The following FAM83B variants were observed in gnomAD, a reference collection of about 807,000 sequenced individuals.
The protein encoded by FAM83B is scaffolding CK1 anchoring protein B, also known as protein FAM83B.
FAM83B carries 26 observed loss-of-function variants against 38.8 expected under a neutral mutation model. The observed-to-expected ratio is 0.67, with a 90% CI of 0.49 to 0.93. The LOEUF (loss-of-function observed/expected upper bound fraction) is 0.93, where lower values mean the gene tolerates loss of function less well. Ranked by LOEUF, FAM83B falls within the 40% of genes least tolerant of loss-of-function variation. The probability of loss-of-function intolerance (pLI) is 0.00; values close to 1 mark genes in which losing one functional copy is unlikely to be tolerated. For synonymous variants in FAM83B, 419 were observed against 423.1 expected (o/e 0.99, Z 0.12); for missense variants, 1,237 against 1,197.3 (o/e 1.03, Z -0.49).
In FAM83B at chr6:54,939,757, A is replaced by G. The variant is rs764057168; in HGVS notation, c.786A>G (p.Thr262=). Residue 262 remains threonine, a synonymous_variant, in exon 5 of 5, where the codon ACA becomes ACG. Transcript: ENST00000306858. ...KAHLSMVQII[T]GQLVESFDEE... is the part of the protein sequence containing the mutation. ...ACCTCAGCATGGTTCAGATAATTAC[A>G]GGACAACTTGTTGAGTCCTTTGATG... 1.9e-6 allele frequency: 3 copies of G among 1,613,692 alleles called. No individual in the cohort carries two copies. The highest frequency in any genetic ancestry group is 2.2e-5 in the South Asian group (2 of 91,016).
At chr6:54,889,417 G>A (rs1032263765) in intron 2 of FAM83B, among the ~76,000 whole-genome samples, 4 of 151,972 alleles carry the variant, frequency 2.6e-5, no homozygotes, top group East Asian at 3.9e-4. Flanking sequence ...AGCTACATAC[G>A]ATAAATCCCT....
chr6:54,890,221 G>A (rs1283120243), intron 2 of FAM83B, among the ~76,000 whole-genome samples: 1 of 120,864 alleles, frequency 8.3e-6, no homozygotes, highest in Non-Finnish European at 1.6e-5. Flanking sequence ...AATAAGAAAT[G>A]TTTTATTGAA....
chr6:54,901,970 AT>A (rs1211137913), intron 2 of FAM83B, among the ~76,000 whole-genome samples: 1 of 152,116 alleles, frequency 6.6e-6, no homozygotes, highest in Non-Finnish European at 1.5e-5. Flanking sequence ...CTTTATTTGT[AT>A]TCATAATATG....
Position 54,943,913 on chromosome 6 carries a change from G to A in FAM83B, c.*1906G>A, listed in dbSNP as rs924896133. 1 of 152,198 alleles carries A rather than the reference G, an allele frequency of 6.6e-6. No individual in the cohort carries two copies. The highest frequency in any genetic ancestry group is 1.5e-5 in the Non-Finnish European group (1 of 68,038). The allele number at this position is 152,198 out of a possible 1,614,324, so 9.4% of individuals were successfully genotyped here. Reference sequence around the variant, plus strand: ...AGAAATCTCCTTAATTTCAGGACATGTAGATAGCTTATAGAAACATCCTTT... The same window carrying A: ...AGAAATCTCCTTAATTTCAGGACATATAGATAGCTTATAGAAACATCCTTT... On this transcript the variant is annotated 3_prime_UTR_variant, in exon 5 of 5. Transcript: ENST00000306858.
At chr6:54,866,077 AT>A (rs1771698146) in intron 1 of FAM83B, among the ~76,000 whole-genome samples, 1 of 151,798 alleles carries the variant, frequency 6.6e-6, no homozygotes, top group Non-Finnish European at 1.5e-5. Flanking sequence ...TCCTCTCTAC[AT>A]CTGCCCAAAC....
intron 1 of FAM83B, among the ~76,000 whole-genome samples, chr6:54,855,315 G>A (rs1192160080): frequency 6.6e-6 from 1 of 152,100 alleles, no homozygotes; most frequent in Non-Finnish European, 1.5e-5. Flanking sequence ...GAGCTAAGTA[G>A]GAGATCACTT....
rs1049777485 is a variant in FAM83B, at chr6:54,927,728, TAAAAAAA to T, written c.734+116_734+122del. Reference sequence around the variant, plus strand: ...AATCAGTTAAGCTTTTTCTTAAAAGTAAAAAAAAAAAAAAAAAAAAAAAAAAGAGAAC... The same window carrying T: ...AATCAGTTAAGCTTTTTCTTAAAAGTAAAAAAAAAAAAAAAAAAAGAGAAC... On this transcript the variant is annotated intron_variant, in intron 4 of 4. Transcript: ENST00000306858. The T allele has an allele frequency of 5.1e-3, 510 of 99,138 alleles. 6 individuals are homozygous for T. The Middle Eastern group carries it at 0.095, about 18-fold the overall frequency. 6.1% of individuals were successfully genotyped at this position (99,138 alleles called of 1,614,324 possible). A position where few individuals can be genotyped will look rare whatever the true frequency, so the allele number is the denominator to read the frequency against.
At chr6:54,866,212 TTCTA>T (rs761374698) in intron 1 of FAM83B, among the ~76,000 whole-genome samples, 25 of 151,654 alleles carry the variant, frequency 1.6e-4, no homozygotes, top group African/African-American at 5.1e-4. Context: ...TTTTTTTTTT[TTCTA>T]TCTAAGTCTC....
chr6:54,903,003 A>G (rs1260248330), intron 2 of FAM83B, among the ~76,000 whole-genome samples: 2 of 152,212 alleles, frequency 1.3e-5, no homozygotes. Context: ...TCTTTAAGGT[A>G]ATATTCATGT....
Position 54,942,218 on chromosome 6 carries a change from TG to T in FAM83B, c.*213del, listed in dbSNP as rs1773721571. Among the ~76,000 whole-genome samples, 1 of 152,324 alleles carries T rather than the reference TG, an allele frequency of 6.6e-6. No individual in the cohort carries two copies. Among genetic ancestry groups the T allele is most frequent in the South Asian group, 2.1e-4 (1 of 4,830 alleles). On this transcript the variant is annotated 3_prime_UTR_variant, in exon 5 of 5. Transcript: ENST00000306858. ...TCTCTGTAAACACATTATTTGTAAG[TG>T]GTAATGGTAAAAATAATAGATGTAT...
rs370780615 is a variant in FAM83B at position 54,866,643 on chromosome 6, A to G, written c.-60-3544A>G. ...TTATTTTACTGCCAAGTAGTATTCC[A>G]CAGTATGGGTGTACCATAGTTTAAT... On this transcript the variant is annotated intron_variant, in intron 1 of 4. Transcript: ENST00000306858. Among the ~76,000 whole-genome samples, 5 of 152,162 alleles carry G rather than the reference A, an allele frequency of 3.3e-5. No individual in the cohort carries two copies. In the East Asian group the frequency reaches 9.6e-4, roughly 29 times the overall value.
In FAM83B at chr6:54,941,261, TCCC is replaced by T; in HGVS notation, c.2292_2294del (p.Pro765del). The T allele has an allele frequency of 6.2e-7, 1 of 1,611,674 alleles. No individual in the cohort carries two copies. The highest frequency in any genetic ancestry group is 8.5e-7 in the Non-Finnish European group (1 of 1,179,418). On this transcript the variant is annotated inframe_deletion, in exon 5 of 5. Coordinates refer to ENST00000306858, the MANE Select transcript of FAM83B (RefSeq NM_001010872.3). ...TGCTTCAAAGAAGGAAGTTAAGGGT[TCCC>T]CAAGTTTTTTGAAAAAGGGGTCTCA...
chr6:54,927,630 C>G lies in FAM83B; in HGVS notation c.732C>G (p.Tyr244Ter). The G allele has an allele frequency of 4.5e-6, 7 of 1,563,644 alleles. No homozygotes were observed. The highest frequency in any genetic ancestry group is 6.1e-6 in the Non-Finnish European group (7 of 1,154,050). The change falls in exon 4 of 5, where the codon TAC (tyrosine) becomes TAG (stop). Residue 244 changes from tyrosine (Y) to a stop codon, truncating the protein, a stop_gained and splice_region_variant. Transcript: ENST00000306858. LOFTEE classifies it low-confidence loss of function (END_TRUNC). ...GCCAGAAAGTGATGTACGGTTCTTA[C>G]AGGTAAGATCATTGTGTTTAACTTC... ...VDCQKVMYGS[Y>*]SYMWSFEKAH...
chr6:54,855,611 C>T (rs941970266), intron 1 of FAM83B, among the ~76,000 whole-genome samples: 7 of 152,136 alleles, frequency 4.6e-5, no homozygotes, highest in Admixed American at 2.6e-4. Context: ...AGTGGCTTTA[C>T]TCCCATTTAG....
rs1773723689 is a variant in FAM83B, at chr6:54,942,325, T to C, written c.*318T>C. Among the ~76,000 whole-genome samples the C allele has an allele frequency of 6.6e-6, 1 of 152,160 alleles. No homozygotes were observed. Among genetic ancestry groups the C allele is most frequent in the South Asian group, 2.1e-4 (1 of 4,808 alleles). On this transcript the variant is annotated 3_prime_UTR_variant, in exon 5 of 5. Coordinates refer to ENST00000306858, the MANE Select transcript of FAM83B (RefSeq NM_001010872.3). ...ACGATGTATGGTGTATGGTGTATGGTGTATGGATTTTAACCATTTCCTTTT... is the reference window on the plus strand; with the variant it reads ...ACGATGTATGGTGTATGGTGTATGGCGTATGGATTTTAACCATTTCCTTTT...
chr6:54,940,852 T>C lies in FAM83B; in HGVS notation c.1881T>C (p.Thr627=), dbSNP rs763978549. ...ACCACTCAGTAGCCTTAAACCAAAC[T>C]ACAAATGGCCATACTGAATCAAATA... is the stretch of plus-strand genomic sequence containing the variant. ...PENHSVALNQ[T]TNGHTESNNY... is the part of the protein sequence containing the mutation. The change falls in exon 5 of 5, where the codon ACT becomes ACC. Residue 627 remains threonine, a synonymous_variant. Transcript: ENST00000306858. The C allele has an allele frequency of 6.2e-7, 1 of 1,613,942 alleles. No homozygotes were observed. Among genetic ancestry groups the C allele is most frequent in the Non-Finnish European group, 8.5e-7 (1 of 1,179,998 alleles).
At chr6:54,866,412 G>C (rs1423454725) in intron 1 of FAM83B, among the ~76,000 whole-genome samples, 1 of 152,014 alleles carries the variant, frequency 6.6e-6, no homozygotes, top group Non-Finnish European at 1.5e-5. Context: ...TATTGATACT[G>C]TCAAGATATA....
intron 2 of FAM83B, among the ~76,000 whole-genome samples, chr6:54,914,416 C>T (rs890316853): frequency 6.6e-6 from 1 of 152,008 alleles, no homozygotes; most frequent in Non-Finnish European, 1.5e-5. Flanking sequence ...TTCATCAAAC[C>T]CAATGAATTT....
At chr6:54,935,795 A>G (rs1251617318) in intron 4 of FAM83B, among the ~76,000 whole-genome samples, 3 of 152,134 alleles carry the variant, frequency 2.0e-5, no homozygotes. Context: ...CTGATTTGTG[A>G]GAAGTTTTGC....
Sources: allele counts gnomAD v4.1 joint callset (sites outside exome capture counted in the v4.1 genomes callset), GRCh38; gene constraint gnomAD v4.1.1; transcripts MANE v1.5; gene names NCBI Gene and HGNC (gene_info 2026-07-23, HGNC 2026-07-21).